NIBAN1: variants seen among roughly 807,000 people sequenced by gnomAD.
The protein encoded by NIBAN1 is protein Niban 1.
A neutral mutation model predicts 75.1 loss-of-function variants in NIBAN1; 81 were observed. The observed-to-expected ratio is 1.08, with a 90% CI of 0.90 to 1.30. The LOEUF is 1.30. Among genes scored for constraint, NIBAN1 ranks in the 50% most tolerant of loss-of-function variants. The probability of loss-of-function intolerance (pLI) is 0.00; values close to 1 mark genes in which losing one functional copy is unlikely to be tolerated. For synonymous variants in NIBAN1, 436 were observed against 424.8 expected, an observed-to-expected ratio of 1.03 and a Z score of -0.32; for missense variants, 1,133 against 1,128.1, an observed-to-expected ratio of 1.00 and a Z score of -0.06.
In NIBAN1 at chr1:184,867,967, G is replaced by T. The variant is rs761664284; in HGVS notation, c.601+16666C>A. 24 of 985,448 alleles carry T rather than the reference G, an allele frequency of 2.4e-5. No individual in the cohort carries two copies. In the African/African-American group the frequency reaches 4.2e-4, roughly 17 times the overall value. The allele number at this position is 985,448 out of a possible 1,614,324, so 61.0% of individuals were successfully genotyped here. ...GGCAGTCTAATAGTTTCTAGGGAAA[G>T]GTGGGGAAGGAAAAAACAACAAATG... On this transcript the variant is annotated intron_variant, in intron 5 of 13. Transcript: ENST00000367511.
chr1:184,971,916 A>T (rs1658947066), intron 1 of NIBAN1, among the ~76,000 whole-genome samples: 1 of 152,246 alleles, frequency 6.6e-6, no homozygotes, highest in African/African-American at 2.4e-5. Flanking sequence ...TAGATGATAT[A>T]TCTTTACCTG....
At position 184,828,187 on chromosome 1, in the gene NIBAN1, G is replaced by T. The variant is rs1015358118; in HGVS notation, c.717+3660C>A. Among the ~76,000 whole-genome samples the T allele has an allele frequency of 7.2e-5, 11 of 152,034 alleles. 1 individual carries two copies. Among genetic ancestry groups the T allele is most frequent in the African/African-American group, 2.4e-4 (10 of 41,394 alleles). ...ACAAATATTTTCACCTTAACAGTCTGCCAGGCAAGTTATTCTGAGATAGTT... is the reference window on the plus strand; with the variant it reads ...ACAAATATTTTCACCTTAACAGTCTTCCAGGCAAGTTATTCTGAGATAGTT... On this transcript the variant is annotated intron_variant, in intron 6 of 13. Transcript: ENST00000367511.
intron 1 of NIBAN1, among the ~76,000 whole-genome samples, chr1:184,968,965 C>G (rs1286183572): frequency 6.6e-6 from 1 of 152,210 alleles, no homozygotes. Context: ...AGCTGTCCAG[C>G]CATGGTTACA....
At chr1:184,942,419 C>A (rs568603803) in intron 1 of NIBAN1, among the ~76,000 whole-genome samples, 1 of 152,222 alleles carries the variant, frequency 6.6e-6, no homozygotes, top group Non-Finnish European at 1.5e-5. Flanking sequence ...TGCCGCGGGG[C>A]GCGGTGGCTC....
intron 6 of NIBAN1, among the ~76,000 whole-genome samples, chr1:184,831,006 A>AAAAG (rs1557880628): frequency 1.5e-4 from 23 of 151,622 alleles, no homozygotes; most frequent in Non-Finnish European, 3.4e-4. Context: ...CTCAAAAAAA[A>AAAAG]AAAAATAGCA....
At position 184,793,746 on chromosome 1, in the gene NIBAN1, G is replaced by A. The variant is rs1653757949; in HGVS notation, c.*1231C>T. 6.6e-6 allele frequency: 1 copy of A among 152,176 alleles called. No homozygotes were observed. Among genetic ancestry groups the A allele is most frequent in the Non-Finnish European group, 1.5e-5 (1 of 68,034 alleles). 9.4% of individuals were successfully genotyped at this position (152,176 alleles called of 1,614,324 possible). A position where few individuals can be genotyped will look rare whatever the true frequency, so the allele number is the denominator to read the frequency against. On this transcript the variant is annotated 3_prime_UTR_variant, in exon 14 of 14. Coordinates refer to ENST00000367511, the MANE Select transcript of NIBAN1 (RefSeq NM_052966.4). ...ATAGGTCACCATCCGTTAAGAAGAT[G>A]TGTTTTGTCTATTTCCATTAAAATG...
intron 1 of NIBAN1, among the ~76,000 whole-genome samples, chr1:184,963,014 TA>T (rs1658691297): frequency 6.6e-6 from 1 of 152,002 alleles, no homozygotes; most frequent in African/African-American, 2.4e-5. Context: ...CAACCCCCAA[TA>T]AATTTTTTTT....
At chr1:184,915,805 C>A (rs551553855) in intron 1 of NIBAN1, among the ~76,000 whole-genome samples, 195 of 152,090 alleles carry the variant, frequency 1.3e-3, no homozygotes, top group African/African-American at 4.3e-3. Context: ...TTGAAAGAAA[C>A]CTGCATAGCA....
At chr1:184,902,159 G>T (rs1466942053) in intron 1 of NIBAN1, among the ~76,000 whole-genome samples, 1 of 152,032 alleles carries the variant, frequency 6.6e-6, no homozygotes, top group African/African-American at 2.4e-5. Context: ...CTTGAAGCCA[G>T]GAGTTTGAGG....
At chr1:184,871,347 CAAAAAAAAAA>C (rs10658216) in intron 5 of NIBAN1, among the ~76,000 whole-genome samples, 195 of 34,624 alleles carry the variant, frequency 5.6e-3, no homozygotes, top group African/African-American at 9.1e-3. Flanking sequence ...AACTCTATCT[CAAAAAAAAAA>C]AAAAAAAAAA....
At chr1:184,875,218 T>A (rs1320059597) in intron 5 of NIBAN1, among the ~76,000 whole-genome samples, 1 of 152,220 alleles carries the variant, frequency 6.6e-6, no homozygotes, top group Non-Finnish European at 1.5e-5. Context: ...CGATGACTAA[T>A]GAGTATATTA....
chr1:184,904,320 A>G (rs112859717), intron 1 of NIBAN1, among the ~76,000 whole-genome samples: 76 of 152,076 alleles, frequency 5.0e-4, no homozygotes, highest in African/African-American at 1.7e-3. Context: ...GAGCCATCAC[A>G]CCCACCCTAA....
At chr1:184,967,552 G>A (rs1658828339) in intron 1 of NIBAN1, among the ~76,000 whole-genome samples, 1 of 152,098 alleles carries the variant, frequency 6.6e-6, no homozygotes, top group African/African-American at 2.4e-5. Context: ...TACAAATTGG[G>A]CTCCTGCTAT....
intron 1 of NIBAN1, among the ~76,000 whole-genome samples, chr1:184,915,853 T>C (rs2102011351): frequency 6.6e-6 from 1 of 152,264 alleles, no homozygotes; most frequent in Non-Finnish European, 1.5e-5. Flanking sequence ...CTTTAGGAAA[T>C]AGAGAAAATA....
chr1:184,864,872 T>C (rs201592785), intron 5 of NIBAN1, among the ~76,000 whole-genome samples: 2 of 138,028 alleles, frequency 1.4e-5, no homozygotes, highest in East Asian at 2.1e-4. Flanking sequence ...AGTATAATAA[T>C]AATAAAAGAA....
chr1:184,965,616 A>G (rs1367876759), intron 1 of NIBAN1, among the ~76,000 whole-genome samples: 1 of 152,158 alleles, frequency 6.6e-6, no homozygotes, highest in Non-Finnish European at 1.5e-5. Context: ...GGACACATAG[A>G]AGGGAACAAT....
At chr1:184,964,200 A>C (rs1658720279) in intron 1 of NIBAN1, among the ~76,000 whole-genome samples, 1 of 152,216 alleles carries the variant, frequency 6.6e-6, no homozygotes, top group Non-Finnish European at 1.5e-5. Flanking sequence ...TGAGGAGTGG[A>C]AGGGACAACG....
Position 184,929,762 on chromosome 1 carries a change from C to T in NIBAN1, c.56-30453G>A, listed in dbSNP as rs535914517. Among the ~76,000 whole-genome samples the T allele has an allele frequency of 1.4e-3, 213 of 152,302 alleles. 1 individual carries two copies. The highest frequency in any genetic ancestry group is 5.0e-3 in the African/African-American group (206 of 41,558). ...GAACTAGCTAATTGCATCAGCTCCA[C>T]TAACGTGTGGTCAAAAGGGTTGTTA... On this transcript the variant is annotated intron_variant, in intron 1 of 13. Coordinates refer to ENST00000367511, the MANE Select transcript of NIBAN1 (RefSeq NM_052966.4).
chr1:184,815,553 T>C (rs1001349600), intron 9 of NIBAN1, among the ~76,000 whole-genome samples: 36 of 152,218 alleles, frequency 2.4e-4, no homozygotes, highest in Non-Finnish European at 5.9e-5. Context: ...ATCACAAGAC[T>C]CTGATCTTTG....
Sources: allele counts gnomAD v4.1 joint callset (sites outside exome capture counted in the v4.1 genomes callset), GRCh38; gene constraint gnomAD v4.1.1; transcripts MANE v1.5; gene names NCBI Gene and HGNC (gene_info 2026-07-23, HGNC 2026-07-21).